Variants in WDFY1 observed in about 807,000 individuals in gnomAD.
The protein encoded by WDFY1 is WD repeat and FYVE domain-containing protein 1.
In WDFY1, 32 loss-of-function variants were observed where a neutral mutation model predicts 56.4. That is an observed-to-expected ratio of 0.57 (90% CI 0.43 to 0.76). The LOEUF (loss-of-function observed/expected upper bound fraction) is 0.76, where lower values mean the gene tolerates loss of function less well. WDFY1 is among the 30% of genes least tolerant of loss of function. The pLI is 0.00. For synonymous variants in WDFY1, 192 were observed against 197.3 expected, an observed-to-expected ratio of 0.97 and a Z score of 0.23; for missense variants, 480 against 545.7, an observed-to-expected ratio of 0.88 and a Z score of 1.20.
Position 223,878,287 on chromosome 2 carries a change from G to A in WDFY1, c.*384C>T, listed in dbSNP as rs1346916941. The A allele has an allele frequency of 6.4e-6, 1 of 156,156 alleles. No individual in the cohort carries two copies. Among genetic ancestry groups the A allele is most frequent in the African/African-American group, 2.4e-5 (1 of 41,568 alleles). 9.7% of individuals were successfully genotyped at this position (156,156 alleles called of 1,614,324 possible). On this transcript the variant is annotated 3_prime_UTR_variant, in exon 12 of 12. Transcript: ENST00000233055. ...ACAACAGCCACAAGAACCCTGGAAG[G>A]CCCCCTAGGCTAAGTGAAGTGTCTG...
At chr2:223,931,458 A>T (rs6733516) in intron 1 of WDFY1, among the ~76,000 whole-genome samples, 1 of 152,206 alleles carries the variant, frequency 6.6e-6, no homozygotes, top group South Asian at 2.1e-4. Flanking sequence ...TGATGATCAT[A>T]ATAAGTAGAA....
intron 1 of WDFY1, among the ~76,000 whole-genome samples, chr2:223,923,784 A>C (rs1245348126): frequency 6.6e-6 from 1 of 151,970 alleles, no homozygotes; most frequent in African/African-American, 2.4e-5. Context: ...AAATAAATAA[A>C]CCGTCTAATC....
chr2:223,899,381 G>C, intron 5 of WDFY1: 1 of 264,844 alleles, frequency 3.8e-6, no homozygotes, highest in Non-Finnish European at 7.3e-6. Flanking sequence ...TAAAAAAAGA[G>C]CTGGTAGGGC....
intron 1 of WDFY1, among the ~76,000 whole-genome samples, chr2:223,919,364 C>G (rs1387793511): frequency 6.6e-6 from 1 of 152,188 alleles, no homozygotes. Flanking sequence ...GCGCACGCCA[C>G]CACACCCAGC....
chr2:223,931,524 G>A (rs1210506181), intron 1 of WDFY1, among the ~76,000 whole-genome samples: 2 of 152,022 alleles, frequency 1.3e-5, no homozygotes, highest in Non-Finnish European at 2.9e-5. Context: ...TAAAAATAAG[G>A]TTAAAATACA....
intron 2 of WDFY1, among the ~76,000 whole-genome samples, chr2:223,916,715 T>C (rs1017733790): frequency 5.9e-5 from 9 of 152,030 alleles, no homozygotes; most frequent in African/African-American, 2.2e-4. Context: ...TCAGGAAAGG[T>C]TGAAGAAAGG....
intron 8 of WDFY1, among the ~76,000 whole-genome samples, chr2:223,892,925 G>A (rs1334781484): frequency 6.6e-6 from 1 of 152,210 alleles, no homozygotes; most frequent in Non-Finnish European, 1.5e-5. Flanking sequence ...TATTTCTGAA[G>A]TTAAACTATA....
chr2:223,902,369 C>T (rs992582076), intron 4 of WDFY1, among the ~76,000 whole-genome samples: 1 of 152,136 alleles, frequency 6.6e-6, no homozygotes, highest in African/African-American at 2.4e-5. Flanking sequence ...TGGAGACCAG[C>T]CTGGGCAACA....
At chr2:223,944,279 C>T (rs1019016902) in intron 1 of WDFY1, among the ~76,000 whole-genome samples, 23 of 152,246 alleles carry the variant, frequency 1.5e-4, no homozygotes, top group African/African-American at 5.3e-4. Flanking sequence ...GCCGCCGGTC[C>T]TCCACGCTTC....
chr2:223,901,990 C>T (rs917528922), intron 4 of WDFY1, among the ~76,000 whole-genome samples: 1 of 152,208 alleles, frequency 6.6e-6, no homozygotes, highest in Admixed American at 6.5e-5. Context: ...CAATTATAAG[C>T]CACACCGGGG....
At chr2:223,895,660 G>A (rs750290825) in intron 6 of WDFY1, 30 bp from the exon 7 acceptor site, 4 of 1,606,636 alleles carry the variant, frequency 2.5e-6, no homozygotes, top group East Asian at 2.2e-5. Flanking sequence ...AGAGAGAGAG[G>A]GAGGCAGGGG....
intron 1 of WDFY1, among the ~76,000 whole-genome samples, chr2:223,933,953 C>A (rs1574781920): frequency 8.7e-6 from 1 of 115,298 alleles, no homozygotes; most frequent in East Asian, 2.2e-4. Flanking sequence ...CAGAGTGAGA[C>A]CCTGCCTCAA....
intron 6 of WDFY1, among the ~76,000 whole-genome samples, chr2:223,897,390 A>ATTTTT (rs1553536123): frequency 7.9e-6 from 1 of 125,994 alleles, no homozygotes; most frequent in African/African-American, 3.0e-5. Flanking sequence ...ATATATATAT[A>ATTTTT]TTTTTTAAGA....
chr2:223,896,934 C>A (rs1469773745), intron 6 of WDFY1, among the ~76,000 whole-genome samples: 2 of 152,120 alleles, frequency 1.3e-5, no homozygotes, highest in Non-Finnish European at 2.9e-5. Context: ...CTGCCTTTAG[C>A]AACCCTGAAA....
intron 2 of WDFY1, 62 bp from the exon 3 acceptor site, chr2:223,912,388 G>GTGAC (rs113054269): frequency 7.5e-6 from 11 of 1,456,996 alleles, no homozygotes; most frequent in Admixed American, 2.2e-5. Context: ...GTTCTTCAAA[G>GTGAC]TGATTAAGAA....
At chr2:223,896,172 A>AAAAAAAAAAAAAAAAAAAAAT (rs1693371106) in intron 6 of WDFY1, among the ~76,000 whole-genome samples, 1 of 148,204 alleles carries the variant, frequency 6.7e-6, no homozygotes, top group Non-Finnish European at 1.5e-5. Flanking sequence ...AAAAAAAAAA[A>AAAAAAAAAAAAAAAAAAAAAT]AAAAAAAAAA....
In WDFY1 at chr2:223,895,422, A is replaced by C. The variant is rs1479091078; in HGVS notation, c.725+82T>G. ...CATCTTAGAACGTGGGGTTTGCAGA[A>C]AGTGGTATCAGACTATTAATGCCTT... On this transcript the variant is annotated intron_variant, in intron 7 of 11. Coordinates refer to ENST00000233055, the MANE Select transcript of WDFY1 (RefSeq NM_020830.5). The C allele has an allele frequency of 3.8e-6, 6 of 1,597,138 alleles. No individual in the cohort carries two copies. In the African/African-American group the frequency reaches 6.7e-5, roughly 18 times the overall value.
chr2:223,889,987 C>A (rs944520503), intron 8 of WDFY1, among the ~76,000 whole-genome samples: 3 of 152,106 alleles, frequency 2.0e-5, no homozygotes, highest in Non-Finnish European at 2.9e-5. Context: ...AATGAGTACA[C>A]GCAGATCCTG....
rs1692948687 is a variant in WDFY1 at position 223,875,367 on chromosome 2, T to C, written c.*3304A>G. 8.1e-6 allele frequency: 1 copy of C among 123,674 alleles called. No individual in the cohort carries two copies. The highest frequency in any genetic ancestry group is 1.7e-5 in the Non-Finnish European group (1 of 57,854). 7.7% of individuals were successfully genotyped at this position (123,674 alleles called of 1,614,324 possible). ...ACACAGTAACAAGCAAGGAATGTTT[T>C]ATTGTGTACATTTTCTCAAAAAAAA... On this transcript the variant is annotated 3_prime_UTR_variant, in exon 12 of 12. Coordinates refer to ENST00000233055, the MANE Select transcript of WDFY1 (RefSeq NM_020830.5).
Sources: gnomAD v4.1 joint callset for allele counts (sites outside exome capture counted in the v4.1 genomes callset) on GRCh38, gnomAD v4.1.1 for gene constraint, MANE v1.5 for transcripts, NCBI Gene and HGNC (gene_info 2026-07-23, HGNC 2026-07-21) for gene names.